Variants in PHF7 observed in about 807,000 individuals in gnomAD.
PHF7 encodes E3 ubiquitin-protein ligase PHF7.
A neutral mutation model predicts 47.5 loss-of-function variants in PHF7; 24 were observed. The observed-to-expected ratio is 0.51, with a 90% CI of 0.37 to 0.71. The LOEUF is 0.71. Among genes scored for constraint, PHF7 ranks in the 30% least tolerant of loss-of-function variants. PHF7 has a pLI of 0.00. For missense variants in PHF7, 361 were observed against 456.8 expected (o/e 0.79, Z 1.91); for synonymous variants, 156 against 153.8 (o/e 1.01, Z -0.11).
At chr3:52,417,419 G>C (rs1168609589) in intron 4 of PHF7, among the ~76,000 whole-genome samples, 6 of 152,146 alleles carry the variant, frequency 3.9e-5, no homozygotes, top group Admixed American at 1.3e-4. Flanking sequence ...CCAATCCATG[G>C]ACATGGTATA....
At chr3:52,413,082 C>G (rs761282344) in intron 2 of PHF7, among the ~76,000 whole-genome samples, 162 bp downstream of exon 2, 3 of 152,174 alleles carry the variant, frequency 2.0e-5, no homozygotes, top group Admixed American at 6.5e-5. Context: ...CCAGTGCTGT[C>G]CCTAGTAGCA....
intron 10 of PHF7, 102 bp from the exon 11 acceptor site, chr3:52,422,989 T>C: frequency 6.5e-7 from 1 of 1,535,816 alleles, no homozygotes; most frequent in Non-Finnish European, 9.0e-7. Context: ...TAATAGTTGG[T>C]GCCTTTGACT....
intron 4 of PHF7, 117 bp from the exon 5 acceptor site, chr3:52,419,716 C>G (rs970105566): frequency 1.8e-5 from 13 of 727,078 alleles, no homozygotes; most frequent in Non-Finnish European, 2.5e-5. Flanking sequence ...CAGGCATGAG[C>G]CACCACACCC....
In PHF7 at chr3:52,412,867, GAGAC is replaced by G. The variant is rs1396041423; in HGVS notation, c.-10_-7del. On this transcript the variant is annotated 5_prime_UTR_variant, in exon 2 of 11. Transcript: ENST00000327906. ...ATAGAAGAATTCAAGAGAGGAGAGA[GAGAC>G]AGCACCGAATGAAGACTGTAAAAGA... is the stretch of plus-strand genomic sequence containing the variant. 6.9e-6 allele frequency: 11 copies of G among 1,601,186 alleles called. No individual in the cohort carries two copies. Among genetic ancestry groups the G allele is most frequent in the Middle Eastern group, 1.6e-4 (1 of 6,072 alleles).
rs1050150421 is a variant in PHF7 at position 52,414,119 on chromosome 3, C to A, written c.94+71C>A. 4.0e-6 allele frequency: 4 copies of A among 988,686 alleles called. No individual in the cohort carries two copies. The African/African-American group carries it at 4.8e-5, about 12-fold the overall frequency. The allele number at this position is 988,686 out of a possible 1,614,324, so 61.2% of individuals were successfully genotyped here. A position where few individuals can be genotyped will look rare whatever the true frequency, so the allele number is the denominator to read the frequency against. On this transcript the variant is annotated intron_variant, in intron 3 of 10. Coordinates refer to ENST00000327906, the MANE Select transcript of PHF7 (RefSeq NM_016483.7). ...AGCAAAGAAGGCCACCTGTGTGGGGCAGTATACTTGCTTCTTCTCTCTCTC... is the reference window on the plus strand; with the variant it reads ...AGCAAAGAAGGCCACCTGTGTGGGGAAGTATACTTGCTTCTTCTCTCTCTC...
At chr3:52,419,124 T>G (rs888679780) in intron 4 of PHF7, among the ~76,000 whole-genome samples, 1 of 151,934 alleles carries the variant, frequency 6.6e-6, no homozygotes, top group Non-Finnish European at 1.5e-5. Context: ...AAGCATAAAA[T>G]GAGTAAATAC....
rs1705826617 is a variant in PHF7 at position 52,422,651 on chromosome 3, C to G, written c.798-109C>G. 4.3e-6 allele frequency: 5 copies of G among 1,149,836 alleles called. No homozygotes were observed. In the Admixed American group the frequency reaches 6.8e-5, roughly 16 times the overall value. The allele number at this position is 1,149,836 out of a possible 1,614,324, so 71.2% of individuals were successfully genotyped here. On this transcript the variant is annotated intron_variant, in intron 9 of 10. Transcript: ENST00000327906. ...ACTCATCCTCTCTGAGCCATACATT[C>G]ATCTTGGGTAAAATGTGCTGTAAAA...
chr3:52,414,411 A>T, intron 3 of PHF7, 85 bp from the exon 4 acceptor site: 1 of 812,112 alleles, frequency 1.2e-6, no homozygotes. Context: ...CTCCTTCCTG[A>T]CTTAGAGGAA....
chr3:52,423,094 A>T lies in PHF7; in HGVS notation c.923A>T (p.Tyr308Phe), dbSNP rs770674938. Residue 308 changes from tyrosine (Y) to phenylalanine (F), a missense_variant, in exon 11 of 11, where the codon TAC becomes TTC. Physicochemically the swap from Tyr to Phe is conservative, Grantham distance 22. Coordinates refer to ENST00000327906, the MANE Select transcript of PHF7 (RefSeq NM_016483.7). ...EECSPAAATD[Y>F]IPENSGDIPC... ...TCTCCTGCCTTTCTCTCACCAGACT[A>T]CATACCTGAAAACTCAGGGGACATC... is the stretch of plus-strand genomic sequence containing the variant. 1 of 1,606,314 alleles carries T rather than the reference A, an allele frequency of 6.2e-7. No individual in the cohort carries two copies. The highest frequency in any genetic ancestry group is 2.2e-5 in the East Asian group (1 of 44,858).
intron 7 of PHF7, among the ~76,000 whole-genome samples, chr3:52,421,445 C>G (rs533991636): frequency 3.9e-5 from 6 of 152,200 alleles, no homozygotes; most frequent in Non-Finnish European, 7.3e-5. Flanking sequence ...AGCTGAGGCA[C>G]TCCTGGGAAT....
At position 52,421,077 on chromosome 3, in the gene PHF7, G is replaced by T; in HGVS notation, c.573+15G>T. 1 of 1,589,628 alleles carries T rather than the reference G, an allele frequency of 6.3e-7. No individual in the cohort carries two copies. The highest frequency in any genetic ancestry group is 2.3e-5 in the East Asian group (1 of 43,844). ...AGTGCATACAGGTGGGGCTTTTTCCGCCCTGGGTCCCTTCCACCATTGCCC... is the reference window on the plus strand; with the variant it reads ...AGTGCATACAGGTGGGGCTTTTTCCTCCCTGGGTCCCTTCCACCATTGCCC... On this transcript the variant is annotated intron_variant, in intron 7 of 10. Transcript: ENST00000327906.
intron 4 of PHF7, among the ~76,000 whole-genome samples, 156 bp from the exon 5 acceptor site, chr3:52,419,677 C>A (rs554847355): frequency 6.6e-5 from 10 of 152,012 alleles, no homozygotes; most frequent in Non-Finnish European, 1.3e-4. Context: ...GTGATCCGCC[C>A]GCCTCGGCCT....
chr3:52,417,714 C>G (rs1395673867), intron 4 of PHF7, among the ~76,000 whole-genome samples: 1 of 152,088 alleles, frequency 6.6e-6, no homozygotes, highest in African/African-American at 2.4e-5. Flanking sequence ...TGCACATAAC[C>G]ATGTCATGTG....
At chr3:52,412,248 C>T (rs1352957051) in intron 1 of PHF7, among the ~76,000 whole-genome samples, 2 of 151,892 alleles carry the variant, frequency 1.3e-5, no homozygotes, top group African/African-American at 4.8e-5. Flanking sequence ...GTCAGTGTTA[C>T]CTCTTGTCTC....
At chr3:52,420,153 T>G in intron 5 of PHF7, 158 bp from the exon 6 acceptor site, 1 of 874,888 alleles carries the variant, frequency 1.1e-6, no homozygotes, top group Non-Finnish European at 2.0e-6. Flanking sequence ...TCAGTGCTGC[T>G]TGAAGCTCAG....
chr3:52,412,143 C>T (rs1443738497), intron 1 of PHF7, among the ~76,000 whole-genome samples: 2 of 151,688 alleles, frequency 1.3e-5, no homozygotes, highest in African/African-American at 4.9e-5. Flanking sequence ...AGGAAAGTGG[C>T]ACTTTCATGC....
At chr3:52,414,608 G>C (rs1268811492) in intron 4 of PHF7, 21 bp downstream of exon 4, 27 of 1,386,320 alleles carry the variant, frequency 1.9e-5, no homozygotes, top group Non-Finnish European at 2.5e-5. Context: ...GGCCTCCTTT[G>C]CTTTGAATAT....
Position 52,414,103 on chromosome 3 carries a change from G to A in PHF7, c.94+55G>A, listed in dbSNP as rs113084678. 1.1e-4 allele frequency: 133 copies of A among 1,206,554 alleles called. 4 individuals are homozygous for A. Among genetic ancestry groups the A allele is most frequent in the African/African-American group, 1.0e-3 (70 of 67,066 alleles). 74.7% of individuals were successfully genotyped at this position (1,206,554 alleles called of 1,614,324 possible). ...ACTGCCTCCAGCCCTCAGCAAAGAAGGCCACCTGTGTGGGGCAGTATACTT... is the reference window on the plus strand; with the variant it reads ...ACTGCCTCCAGCCCTCAGCAAAGAAAGCCACCTGTGTGGGGCAGTATACTT... On this transcript the variant is annotated intron_variant, in intron 3 of 10. Coordinates refer to ENST00000327906, the MANE Select transcript of PHF7 (RefSeq NM_016483.7).
rs1325242302 is a variant in PHF7, at chr3:52,422,877, C to T, written c.915C>T (p.Ala305=). ...WECEECSPAA[A]TDYIPENSGD... is the part of the protein sequence containing the mutation. The stretch of plus-strand genomic sequence containing the variant: ...GTGAGGAGTGTTCACCTGCTGCAGC[C>T]ACAGGTGAGGCTGGAGGGATGGGCC... Residue 305 remains alanine (A), a synonymous_variant, in exon 10 of 11, where the codon GCC becomes GCT. Transcript: ENST00000327906. The T allele has an allele frequency of 1.2e-6, 2 of 1,613,924 alleles. No individual in the cohort carries two copies. The highest frequency in any genetic ancestry group is 2.2e-5 in the East Asian group (1 of 44,894).
Sources: allele counts gnomAD v4.1 joint callset (sites outside exome capture counted in the v4.1 genomes callset), GRCh38; gene constraint gnomAD v4.1.1; transcripts MANE v1.5; gene names NCBI Gene and HGNC (gene_info 2026-07-23, HGNC 2026-07-21).